The following ZNF410 variants were observed in gnomAD, a reference collection of about 807,000 sequenced individuals.
ZNF410 encodes the protein another partner for ARF 1.
In ZNF410, 18 loss-of-function variants were observed where a neutral mutation model predicts 54.8. The ratio of observed to expected loss-of-function variants is 0.33; its 90% CI spans 0.23 to 0.49. The LOEUF is 0.49. Ranked by LOEUF, ZNF410 falls within the 20% of genes least tolerant of loss-of-function variation. The pLI is 0.99. For synonymous variants in ZNF410, 191 were observed against 207.3 expected (o/e 0.92, Z 0.68); for missense variants, 405 against 569.6 (o/e 0.71, Z 2.94).
chr14:73,894,357 A>G (rs1198513869), intron 3 of ZNF410: 2 of 702,826 alleles, frequency 2.8e-6, no homozygotes, highest in Admixed American at 4.0e-5. Flanking sequence ...TGACTTTGGC[A>G]GAACCTGTTC....
chr14:73,921,965 C>T, intron 9 of ZNF410, 101 bp from the exon 10 acceptor site: 1 of 1,442,480 alleles, frequency 6.9e-7, no homozygotes, highest in East Asian at 2.3e-5. Flanking sequence ...TATAGGTTAA[C>T]TTCTAGTAAT....
Position 73,894,553 on chromosome 14 carries a change from A to G in ZNF410, c.169+621A>G. ...GCTATTCTCCTGCCTCAGCCTCCTA[A>G]GTAGCTGGGATTACAGGTGCGTGCC... On this transcript the variant is annotated intron_variant, in intron 3 of 11. Transcript: ENST00000555044. 4 of 626,498 alleles carry G rather than the reference A, an allele frequency of 6.4e-6. No individual in the cohort carries two copies. The South Asian group carries it at 7.4e-5, about 12-fold the overall frequency. 38.8% of individuals were successfully genotyped at this position (626,498 alleles called of 1,614,324 possible).
chr14:73,891,384 T>G (rs1040535026), intron 1 of ZNF410, among the ~76,000 whole-genome samples: 43 of 152,162 alleles, frequency 2.8e-4, no homozygotes, highest in African/African-American at 9.9e-4. Context: ...GATAGAGTCT[T>G]GCTCTGTCGC....
chr14:73,932,165 T>C lies in ZNF410; in HGVS notation c.*624T>C, dbSNP rs1218109829. The C allele has an allele frequency of 8.2e-6, 3 of 365,794 alleles. No individual in the cohort carries two copies. The East Asian group carries it at 2.3e-4, about 28-fold the overall frequency. The allele number at this position is 365,794 out of a possible 1,614,324, so 22.7% of individuals were successfully genotyped here. Reference sequence around the variant, plus strand: ...TTGGTCACTTTGCTTTCTTCGTTAATGGAACATACAGTAGCATGTTAAGAG... The same window carrying C: ...TTGGTCACTTTGCTTTCTTCGTTAACGGAACATACAGTAGCATGTTAAGAG... On this transcript the variant is annotated 3_prime_UTR_variant, in exon 12 of 12. Coordinates refer to ENST00000555044, the MANE Select transcript of ZNF410 (RefSeq NM_021188.3).
intron 2 of ZNF410, among the ~76,000 whole-genome samples, chr14:73,892,558 T>C (rs1427933787): frequency 6.6e-6 from 1 of 151,946 alleles, no homozygotes; most frequent in African/African-American, 2.4e-5. Flanking sequence ...ACAAATTCTT[T>C]TGTTTATTTT....
chr14:73,891,229 C>G (rs1467595780), intron 1 of ZNF410, among the ~76,000 whole-genome samples: 2 of 152,028 alleles, frequency 1.3e-5, no homozygotes, highest in East Asian at 3.8e-4. Context: ...CTGTATGAAT[C>G]TCCTTTTACT....
At chr14:73,891,441 C>T (rs866212477) in intron 1 of ZNF410, among the ~76,000 whole-genome samples, 1 of 152,168 alleles carries the variant, frequency 6.6e-6, no homozygotes. Flanking sequence ...GCAACCTCCA[C>T]CTCCTGGGTT....
chr14:73,931,355 C>A, intron 11 of ZNF410, 148 bp from the exon 12 acceptor site: 1 of 617,094 alleles, frequency 1.6e-6, no homozygotes, highest in Non-Finnish European at 2.8e-6. Context: ...TCTATCAGTC[C>A]GTGCATGTGT....
chr14:73,916,389 T>A (rs1437427138), intron 8 of ZNF410: 1 of 152,202 alleles, frequency 6.6e-6, no homozygotes, highest in African/African-American at 2.4e-5. Flanking sequence ...TTTGCCTTGT[T>A]AGGCTGGTCT....
intron 8 of ZNF410, chr14:73,920,681 G>T: frequency 3.7e-6 from 1 of 270,334 alleles, no homozygotes; most frequent in Non-Finnish European, 7.1e-6. Context: ...AACTGAAAAA[G>T]AAGGCATATT....
At chr14:73,929,101 A>G (rs529154993) in intron 11 of ZNF410, among the ~76,000 whole-genome samples, 1 of 152,284 alleles carries the variant, frequency 6.6e-6, no homozygotes, top group East Asian at 1.9e-4. Flanking sequence ...CTTTTTCCTC[A>G]TGGGTTTTTG....
chr14:73,930,753 C>T (rs537073643), intron 11 of ZNF410, among the ~76,000 whole-genome samples: 1 of 152,138 alleles, frequency 6.6e-6, no homozygotes, highest in South Asian at 2.1e-4. Context: ...CAAGCATGTA[C>T]CACCATGCTT....
intron 8 of ZNF410, 184 bp downstream of exon 8, chr14:73,909,614 G>GT: frequency 2.1e-6 from 1 of 482,380 alleles, no homozygotes; most frequent in Non-Finnish European, 3.7e-6. Context: ...GGTTGGGGGG[G>GT]GGACATCTAA....
chr14:73,910,905 G>A (rs72627131), intron 8 of ZNF410, among the ~76,000 whole-genome samples: 13,361 of 146,038 alleles, frequency 0.091, 1,002 homozygotes, highest in East Asian at 0.43. Flanking sequence ...AGGAGGGAAA[G>A]GGGGCTTTCC....
chr14:73,909,572 C>T, intron 8 of ZNF410, 142 bp downstream of exon 8: 2 of 615,674 alleles, frequency 3.2e-6, no homozygotes, highest in Middle Eastern at 3.1e-4. Flanking sequence ...ATGACAGAAT[C>T]AGAAATCAAG....
chr14:73,892,336 A>G (rs1401845974), intron 2 of ZNF410, 128 bp downstream of exon 2: 4 of 838,036 alleles, frequency 4.8e-6, no homozygotes, highest in Non-Finnish European at 7.4e-6. Flanking sequence ...TTTTTAAGCT[A>G]TATGGTTTTG....
rs774203450 is a variant in ZNF410 at position 73,931,547 on chromosome 14, G to GGT, written c.*8_*9dup. On this transcript the variant is annotated 3_prime_UTR_variant, in exon 12 of 12. Transcript: ENST00000555044. ...TAACTGAAAGACGGACATGAGCGTG[G>GGT]GTGCTGACTCCTGGAAGAGCAACTC... 1 of 1,608,850 alleles carries GGT rather than the reference G, an allele frequency of 6.2e-7. No individual in the cohort carries two copies. The highest frequency in any genetic ancestry group is 1.3e-5 in the African/African-American group (1 of 74,570).
chr14:73,926,424 GTT>G (rs2140330404), intron 11 of ZNF410, among the ~76,000 whole-genome samples: 1 of 150,630 alleles, frequency 6.6e-6, no homozygotes, highest in South Asian at 2.1e-4. Context: ...TGGGTTTTTT[GTT>G]TTGTTTTGTT....
At chr14:73,908,561 G>A (rs2055527465) in intron 7 of ZNF410, among the ~76,000 whole-genome samples, 1 of 152,104 alleles carries the variant, frequency 6.6e-6, no homozygotes, top group Non-Finnish European at 1.5e-5. Context: ...TAGCAGTGCT[G>A]TTCCCTCCCA....
Sources: gnomAD v4.1 joint callset for allele counts (sites outside exome capture counted in the v4.1 genomes callset) on GRCh38, gnomAD v4.1.1 for gene constraint, MANE v1.5 for transcripts, NCBI Gene and HGNC (gene_info 2026-07-23, HGNC 2026-07-21) for gene names.